Variants in PCDH15 observed in about 807,000 individuals in gnomAD.
The protein encoded by PCDH15 is protocadherin-15.
PCDH15 carries 129 observed loss-of-function variants against 178.5 expected under a neutral mutation model. The ratio of observed to expected loss-of-function variants is 0.72; its 90% CI spans 0.63 to 0.84. The LOEUF (loss-of-function observed/expected upper bound fraction) is 0.84, where lower values mean the gene tolerates loss of function less well. PCDH15 is among the 40% of genes least tolerant of loss of function. The probability of loss-of-function intolerance (pLI) is 0.00; values close to 1 mark genes in which losing one functional copy is unlikely to be tolerated. For synonymous variants in PCDH15, 800 were observed against 732.0 expected (o/e 1.09, Z -1.50); for missense variants, 2,230 against 2,099.9 (o/e 1.06, Z -1.21).
intron 2 of PCDH15, among the ~76,000 whole-genome samples, chr10:54,549,316 C>A (rs548675297): frequency 6.6e-6 from 1 of 151,662 alleles, no homozygotes; most frequent in South Asian, 2.1e-4. Context: ...CTATAAATTG[C>A]CCCCTCAATG....
chr10:54,339,844 T>A (rs141700565), intron 6 of PCDH15, among the ~76,000 whole-genome samples: 202 of 152,286 alleles, frequency 1.3e-3, no homozygotes, highest in African/African-American at 4.3e-3. Context: ...GCAACAATCG[T>A]ATTAGCGTGT....
intron 2 of PCDH15, among the ~76,000 whole-genome samples, chr10:55,620,918 A>G (rs1843578398): frequency 6.6e-6 from 1 of 151,748 alleles, no homozygotes. Flanking sequence ...AAAATAATTT[A>G]AAATTTTGTC....
rs532756864 is a variant in PCDH15 at position 55,404,329 on chromosome 10, G to C, written c.-156+223296C>G. On this transcript the variant is annotated intron_variant, in intron 2 of 5. Transcript: ENST00000613346. Reference sequence around the variant, plus strand: ...CAAAGTGACCACAGATATTATGATTGATGAGACACAGATGCTCTGTTAATT... The same window carrying C: ...CAAAGTGACCACAGATATTATGATTCATGAGACACAGATGCTCTGTTAATT... 9.1e-4 allele frequency among the ~76,000 whole-genome samples: 139 copies of C among 152,126 alleles called. 1 individual carries two copies. The highest frequency in any genetic ancestry group is 1.7e-3 in the Non-Finnish European group (113 of 67,936).
chr10:55,286,499 G>GT (rs1842873231), intron 1 of PCDH15, among the ~76,000 whole-genome samples: 1 of 150,630 alleles, frequency 6.6e-6, no homozygotes, highest in African/African-American at 2.5e-5. Flanking sequence ...TAGTCTATGA[G>GT]GGTTTTTTTT....
At chr10:55,274,509 T>C (rs1350818173) in intron 1 of PCDH15, among the ~76,000 whole-genome samples, 1 of 152,100 alleles carries the variant, frequency 6.6e-6, no homozygotes, top group Non-Finnish European at 1.5e-5. Flanking sequence ...TTTCTGTTAT[T>C]GCCTGATGAC....
chr10:55,601,568 G>C (rs895478133), intron 2 of PCDH15, among the ~76,000 whole-genome samples: 5 of 152,114 alleles, frequency 3.3e-5, no homozygotes, highest in African/African-American at 1.2e-4. Flanking sequence ...TAATTAGGTG[G>C]ATTGAAATAA....
intron 1 of PCDH15, among the ~76,000 whole-genome samples, chr10:54,722,435 TTCTG>T (rs1941775507): frequency 6.6e-6 from 1 of 151,780 alleles, no homozygotes; most frequent in Non-Finnish European, 1.5e-5. Flanking sequence ...TAGCAGTCAA[TTCTG>T]TTTATCCACT....
intron 1 of PCDH15, among the ~76,000 whole-genome samples, chr10:54,708,069 T>C (rs1360110645): frequency 6.6e-6 from 1 of 152,206 alleles, no homozygotes; most frequent in Admixed American, 6.5e-5. Flanking sequence ...TAAAATAACA[T>C]GCATATGTTG....
intron 3 of PCDH15, among the ~76,000 whole-genome samples, chr10:54,830,298 G>A (rs539407713): frequency 7.0e-4 from 107 of 152,132 alleles, no homozygotes; most frequent in Non-Finnish European, 1.2e-3. Context: ...TGTTTATTGT[G>A]GCACTGTTCA....
At chr10:53,825,694 G>C (rs1378583141) in intron 32 of PCDH15, among the ~76,000 whole-genome samples, 1 of 151,338 alleles carries the variant, frequency 6.6e-6, no homozygotes, top group Non-Finnish European at 1.5e-5. Flanking sequence ...TAAGATAATT[G>C]ATAATAATCA....
intron 9 of PCDH15, among the ~76,000 whole-genome samples, chr10:54,233,332 G>A (rs867244307): frequency 3.0e-4 from 45 of 151,590 alleles, no homozygotes; most frequent in African/African-American, 1.0e-3. Context: ...TAAAATACAT[G>A]TTACAAAGTA....
At chr10:55,281,460 A>G (rs1277033999) in intron 1 of PCDH15, among the ~76,000 whole-genome samples, 1 of 151,322 alleles carries the variant, frequency 6.6e-6, no homozygotes, top group South Asian at 2.1e-4. Flanking sequence ...AACTCTTACC[A>G]TCTCCGACAT....
chr10:54,069,940 G>T (rs1457521091), intron 17 of PCDH15, among the ~76,000 whole-genome samples: 2 of 151,968 alleles, frequency 1.3e-5, no homozygotes, highest in East Asian at 1.9e-4. Flanking sequence ...AAATTAAAAA[G>T]ATCTCAAACT....
In PCDH15 at chr10:54,393,098, C is replaced by G. The variant is rs145789870; in HGVS notation, c.158-14156G>C. ...AATTTAGATTCAAGCACTTTGCAAG[C>G]CTGTTTTAATCTCTATGCTTAAAAA... On this transcript the variant is annotated intron_variant, in intron 3 of 37. Transcript: ENST00000644397. Among the ~76,000 whole-genome samples, 749 of 152,062 alleles carry G rather than the reference C, an allele frequency of 4.9e-3. 8 individuals are homozygous for G. Among genetic ancestry groups the G allele is most frequent in the African/African-American group, 0.017 (695 of 41,494 alleles).
chr10:54,166,373 C>T (rs75598143), intron 13 of PCDH15, among the ~76,000 whole-genome samples: 5,588 of 152,224 alleles, frequency 0.037, 169 homozygotes, highest in Non-Finnish European at 0.055. Flanking sequence ...ACTCGTTCTA[C>T]GTATTTTTCA....
intron 25 of PCDH15, among the ~76,000 whole-genome samples, chr10:53,923,311 GA>G (rs367751618): frequency 3.9e-5 from 6 of 152,098 alleles, no homozygotes; most frequent in African/African-American, 1.4e-4. Context: ...ATAAGAACAG[GA>G]ACAAGATTGA....
chr10:55,513,337 T>A (rs1234559880), intron 2 of PCDH15: 1 of 152,136 alleles, frequency 6.6e-6, no homozygotes, highest in Non-Finnish European at 1.5e-5. Context: ...AACCTAAACT[T>A]GTTTTGCTCT....
intron 8 of PCDH15, among the ~76,000 whole-genome samples, chr10:54,312,263 A>G (rs2060955699): frequency 6.6e-6 from 1 of 152,142 alleles, no homozygotes; most frequent in African/African-American, 2.4e-5. Flanking sequence ...GAAGCTCAAA[A>G]ACTAACTCCA....
In PCDH15 at chr10:55,155,142, G is replaced by GA. The variant is rs778787891; in HGVS notation, c.-80+11433dup. 1.5e-3 allele frequency among the ~76,000 whole-genome samples: 232 copies of GA among 152,178 alleles called. 2 individuals carry two copies. Among genetic ancestry groups the GA allele is most frequent in the Non-Finnish European group, 2.7e-3 (185 of 67,996 alleles). Reference sequence around the variant, plus strand: ...ATAAGGATTTTAGGAGGCAAACAATGAAATGGTCCAACATGATGAATGATA... The same window carrying GA: ...ATAAGGATTTTAGGAGGCAAACAATGAAAATGGTCCAACATGATGAATGATA... On this transcript the variant is annotated intron_variant, in intron 2 of 5. Transcript: ENST00000458638.
Sources: gnomAD v4.1 joint callset for allele counts (sites outside exome capture counted in the v4.1 genomes callset) on GRCh38, gnomAD v4.1.1 for gene constraint, MANE v1.5 for transcripts, NCBI Gene and HGNC (gene_info 2026-07-23, HGNC 2026-07-21) for gene names.